Variants in RNASEH2A observed in about 807,000 individuals in gnomAD.
RNASEH2A encodes ribonuclease H2 subunit A.
RNASEH2A carries 30 observed loss-of-function variants against 32.7 expected under a neutral mutation model. The ratio of observed to expected loss-of-function variants is 0.92; its 90% CI spans 0.69 to 1.25. The LOEUF (loss-of-function observed/expected upper bound fraction) is 1.25. Ranked by LOEUF, RNASEH2A falls within the 50% of genes most tolerant of loss-of-function variation. RNASEH2A has a pLI of 0.00. For missense variants in RNASEH2A, 409 were observed against 398.1 expected, an observed-to-expected ratio of 1.03 and a Z score of -0.23; for synonymous variants, 147 against 165.4, an observed-to-expected ratio of 0.89 and a Z score of 0.86.
chr19:12,808,012 A>G, intron 4 of RNASEH2A: 1 of 201,340 alleles, frequency 5.0e-6, no homozygotes, highest in South Asian at 7.6e-5. Context: ...GCGTTTCAGG[A>G]GGCTGAGGCA....
Position 12,806,617 on chromosome 19 carries a change from C to T in RNASEH2A, c.-57C>T, listed in dbSNP as rs1180819755. 1.9e-6 allele frequency: 3 copies of T among 1,551,404 alleles called. No homozygotes were observed. Among genetic ancestry groups the T allele is most frequent in the African/African-American group, 2.7e-5 (2 of 73,138 alleles). Reference sequence around the variant, plus strand: ...CTTCGAGGCCCGCGGAAAACGCGCGCCGAGACCCGCTCCTGCAGTATTAGT... The same window carrying T: ...CTTCGAGGCCCGCGGAAAACGCGCGTCGAGACCCGCTCCTGCAGTATTAGT... On this transcript the variant is annotated 5_prime_UTR_variant, in exon 1 of 8. Coordinates refer to ENST00000221486, the MANE Select transcript of RNASEH2A (RefSeq NM_006397.3).
At chr19:12,807,594 C>T in intron 4 of RNASEH2A, 88 bp downstream of exon 4, 2 of 1,072,822 alleles carry the variant, frequency 1.9e-6, no homozygotes, top group Non-Finnish European at 2.9e-6. Flanking sequence ...GAGCCATGAT[C>T]ATGCCACAGC....
chr19:12,807,416 C>T lies in RNASEH2A; in HGVS notation c.324-3C>T, dbSNP rs367654819. 4.3e-6 allele frequency: 7 copies of T among 1,614,182 alleles called. No individual in the cohort carries two copies. The highest frequency in any genetic ancestry group is 5.9e-6 in the Non-Finnish European group (7 of 1,180,014). ...ATTAACTGGGCTCTGTTCCCCACCA[C>T]AGGGTCAAATACAACCTGAACTCCC... On this transcript the variant is annotated splice_polypyrimidine_tract_variant and splice_region_variant and intron_variant, in intron 3 of 7. Coordinates refer to ENST00000221486, the MANE Select transcript of RNASEH2A (RefSeq NM_006397.3).
chr19:12,810,457 C>T (rs1198250835), intron 6 of RNASEH2A, 53 bp downstream of exon 6: 1 of 1,416,308 alleles, frequency 7.1e-7, no homozygotes, highest in Non-Finnish European at 1.0e-6. Context: ...GGGCTGAGCA[C>T]ACTTCTGAGG....
In RNASEH2A at chr19:12,806,590, C is replaced by G; in HGVS notation, c.-84C>G. 1 of 1,540,322 alleles carries G rather than the reference C, an allele frequency of 6.5e-7. No homozygotes were observed. Among genetic ancestry groups the G allele is most frequent in the Non-Finnish European group, 8.8e-7 (1 of 1,137,844 alleles). On this transcript the variant is annotated 5_prime_UTR_variant, in exon 1 of 8. Transcript: ENST00000221486. Reference sequence around the variant, plus strand: ...CCGCGGATTGGCCGGAAGCAGGCGCCGCTTCGAGGCCCGCGGAAAACGCGC... The same window carrying G: ...CCGCGGATTGGCCGGAAGCAGGCGCGGCTTCGAGGCCCGCGGAAAACGCGC...
chr19:12,810,594 G>A (rs919517371), intron 6 of RNASEH2A, among the ~76,000 whole-genome samples, 190 bp downstream of exon 6: 33 of 152,132 alleles, frequency 2.2e-4, no homozygotes, highest in African/African-American at 6.5e-4. Context: ...GTAATGGTGC[G>A]ATCTCGGCTC....
intron 4 of RNASEH2A, 108 bp from the exon 5 acceptor site, chr19:12,809,963 G>C (rs1334088503): frequency 7.2e-7 from 1 of 1,396,742 alleles, no homozygotes; most frequent in East Asian, 2.3e-5. Context: ...TCCTGGGGAC[G>C]TGCTGGAGAA....
intron 1 of RNASEH2A, 69 bp from the exon 2 acceptor site, chr19:12,806,939 G>A: frequency 1.2e-6 from 2 of 1,605,794 alleles, no homozygotes; most frequent in Non-Finnish European, 8.5e-7. Flanking sequence ...GAACAGGGAT[G>A]AATGGCAACT....
chr19:12,813,324 A>C lies in RNASEH2A; in HGVS notation c.762-4A>C, dbSNP rs1259976712. 6.2e-7 allele frequency: 1 copy of C among 1,614,092 alleles called. No homozygotes were observed. The highest frequency in any genetic ancestry group is 1.7e-5 in the Admixed American group (1 of 59,984). On this transcript the variant is annotated splice_region_variant and splice_polypyrimidine_tract_variant and intron_variant, in intron 7 of 7. Transcript: ENST00000221486. ...TGGTCACTGTCATCACCTCTCTCCCACAGGGAGGACTCAGCATCCGAGAAT... is the reference window on the plus strand; with the variant it reads ...TGGTCACTGTCATCACCTCTCTCCCCCAGGGAGGACTCAGCATCCGAGAAT...
intron 4 of RNASEH2A, chr19:12,807,758 C>T (rs1969016799): frequency 2.0e-6 from 1 of 490,700 alleles, no homozygotes; most frequent in Non-Finnish European, 3.7e-6. Context: ...ATGGTGAAAC[C>T]CCGTCTCTAC....
intron 4 of RNASEH2A, among the ~76,000 whole-genome samples, chr19:12,808,208 C>T (rs916040005): frequency 1.3e-5 from 2 of 151,454 alleles, no homozygotes; most frequent in African/African-American, 2.4e-5. Context: ...GGTGAGATCG[C>T]GCCATTGCAC....
chr19:12,809,005 C>T (rs1482022057), intron 4 of RNASEH2A, among the ~76,000 whole-genome samples: 1 of 152,084 alleles, frequency 6.6e-6, no homozygotes, highest in African/African-American at 2.4e-5. Flanking sequence ...AAATGCAGAG[C>T]TGGCGATACA....
intron 4 of RNASEH2A, among the ~76,000 whole-genome samples, chr19:12,809,024 T>C (rs11882945): frequency 0.066 from 10,088 of 151,818 alleles, 536 homozygotes; most frequent in African/African-American, 0.15. Context: ...CAGTAACTGG[T>C]GTAGACAGAC....
chr19:12,807,658 G>A (rs1969014704), intron 4 of RNASEH2A, 152 bp downstream of exon 4: 6 of 745,682 alleles, frequency 8.0e-6, no homozygotes, highest in South Asian at 3.0e-5. Context: ...GAGGCAGGGC[G>A]CAGTGGCTCA....
chr19:12,813,359 C>T lies in RNASEH2A; in HGVS notation c.793C>T (p.Leu265Phe). Reference protein sequence around the residue: ...EDSASENQEGLRKITSYFLNE... With the variant: ...EDSASENQEGFRKITSYFLNE... ...CTCAGCATCCGAGAATCAGGAGGGA[C>T]TCAGGAAGATCACATCCTACTTCCT... Residue 265 changes from leucine (L) to phenylalanine (F), a missense_variant, in exon 8 of 8, where the codon CTC (leucine) becomes TTC (phenylalanine). Physicochemically the swap from Leu to Phe is conservative, Grantham distance 22. Coordinates refer to ENST00000221486, the MANE Select transcript of RNASEH2A (RefSeq NM_006397.3). 1 of 1,614,164 alleles carries T rather than the reference C, an allele frequency of 6.2e-7. No individual in the cohort carries two copies. Among genetic ancestry groups the T allele is most frequent in the Non-Finnish European group, 8.5e-7 (1 of 1,180,028 alleles).
At position 12,813,631 on chromosome 19, in the gene RNASEH2A, G is replaced by A; in HGVS notation, c.*165G>A. ...TGGAACCTTAAATAGAATGGGTGTT[G>A]GTTGATTAATTTTATTTGGTTTGAT... On this transcript the variant is annotated 3_prime_UTR_variant, in exon 8 of 8. Transcript: ENST00000221486. The A allele has an allele frequency of 1.7e-6, 1 of 600,230 alleles. No individual in the cohort carries two copies. Among genetic ancestry groups the A allele is most frequent in the Non-Finnish European group, 2.9e-6 (1 of 348,896 alleles). The allele number at this position is 600,230 out of a possible 1,614,324, so 37.2% of individuals were successfully genotyped here. A position where few individuals can be genotyped will look rare whatever the true frequency, so the allele number is the denominator to read the frequency against.
At chr19:12,812,474 G>A (rs1259167754) in intron 6 of RNASEH2A, among the ~76,000 whole-genome samples, 3 of 152,162 alleles carry the variant, frequency 2.0e-5, no homozygotes, top group African/African-American at 4.8e-5. Flanking sequence ...GGAGGTTGCA[G>A]TGAGCCGAGA....
At chr19:12,812,055 T>C (rs963091134) in intron 6 of RNASEH2A, among the ~76,000 whole-genome samples, 2 of 151,906 alleles carry the variant, frequency 1.3e-5, no homozygotes, top group African/African-American at 4.8e-5. Flanking sequence ...CTGGGCAATA[T>C]GACAAGACCC....
chr19:12,806,678 A>G lies in RNASEH2A; in HGVS notation c.5A>G (p.Asp2Gly), dbSNP rs1489973272. 2.0e-5 allele frequency: 31 copies of G among 1,574,786 alleles called. No individual in the cohort carries two copies. The highest frequency in any genetic ancestry group is 2.7e-5 in the Non-Finnish European group (31 of 1,160,382). The change falls in exon 1 of 8, where the codon GAT (aspartate) becomes GGT (glycine). Residue 2 changes from aspartate to glycine, a missense_variant. Physicochemically the swap from Asp to Gly is moderately conservative, Grantham distance 94. Transcript: ENST00000221486. The stretch of plus-strand genomic sequence containing the variant: ...GGTGGTGGCGGCTGAGGCGGCATGG[A>G]TCTCAGCGAGCTGGAGAGAGACAAT... MDLSELERDNTG... is the reference protein window; with the variant it reads MGLSELERDNTG...
Sources: gnomAD v4.1 joint callset for allele counts (sites outside exome capture counted in the v4.1 genomes callset) on GRCh38, gnomAD v4.1.1 for gene constraint, MANE v1.5 for transcripts, NCBI Gene and HGNC (gene_info 2026-07-23, HGNC 2026-07-21) for gene names.